Variants in ZNF487 observed in about 807,000 individuals in gnomAD.
The protein encoded by ZNF487 is KRAB domain only 1.
Under a neutral mutation model 3.0 loss-of-function variants are expected in ZNF487, and 4 were observed. The ratio of observed to expected loss-of-function variants is 1.35; its 90% CI spans 0.66 to 3.08. The LOEUF is 3.08. Among genes scored for constraint, ZNF487 ranks in the 30% most tolerant of loss-of-function variants. The pLI, the probability that ZNF487 is intolerant of heterozygous loss-of-function variation, is 0.01. For missense variants in ZNF487, 146 were observed against 98.7 expected (o/e 1.48, Z -2.03); for synonymous variants, 55 against 34.6 (o/e 1.59, Z -2.06).
chr10:43,437,446 G>A (rs562311229), intron 1 of ZNF487, among the ~76,000 whole-genome samples, 184 bp downstream of exon 1: 11 of 152,220 alleles, frequency 7.2e-5, no homozygotes, highest in African/African-American at 2.6e-4. Context: ...GCCCACCCTA[G>A]AGAAGCGAGA....
intron 1 of ZNF487, among the ~76,000 whole-genome samples, chr10:43,461,637 C>G (rs1417550013): frequency 6.6e-6 from 1 of 152,054 alleles, no homozygotes; most frequent in Non-Finnish European, 1.5e-5. Context: ...AGGTTTATAT[C>G]AATTTTATGC....
At chr10:43,501,707 A>ATTCCAGC in the ZNF487 span, among the ~76,000 whole-genome samples, 1 of 152,110 alleles carries the variant, frequency 6.6e-6, no homozygotes, top group South Asian at 2.1e-4. Context: ...GTGCCACTGC[A>ATTCCAGC]TTCCAGCTTG....
At chr10:43,493,709 A>AAAAAAAAAAAAAATATAT in the ZNF487 span, among the ~76,000 whole-genome samples, 2 of 43,720 alleles carry the variant, frequency 4.6e-5, no homozygotes, top group African/African-American at 1.7e-4. Flanking sequence ...AAAAAAAAAA[A>AAAAAAAAAAAAAATATAT]ATATATATAT....
Position 43,483,048 on chromosome 10 carries a change from A to C in ZNF487, c.*1126A>C, listed in dbSNP as rs1347918299. 3 of 462,164 alleles carry C rather than the reference A, an allele frequency of 6.5e-6. No homozygotes were observed. The highest frequency in any genetic ancestry group is 6.0e-5 in the African/African-American group (3 of 50,140). The allele number at this position is 462,164 out of a possible 1,614,324, so 28.6% of individuals were successfully genotyped here. A position where few individuals can be genotyped will look rare whatever the true frequency, so the allele number is the denominator to read the frequency against. Reference sequence around the variant, plus strand: ...GAATCCCAACTTCACTAAATGTCAGAGAGACAACATAGAGGAAACCCTTGT... The same window carrying C: ...GAATCCCAACTTCACTAAATGTCAGCGAGACAACATAGAGGAAACCCTTGT... On this transcript the variant is annotated 3_prime_UTR_variant, in exon 4 of 4. Coordinates refer to ENST00000437590, the MANE Select transcript of ZNF487 (RefSeq NM_001355444.3).
chr10:43,456,819 G>C (rs1840222286), intron 1 of ZNF487, among the ~76,000 whole-genome samples: 1 of 152,174 alleles, frequency 6.6e-6, no homozygotes, highest in Admixed American at 6.5e-5. Flanking sequence ...GACCTCAGGT[G>C]ATCCGCGCGC....
At chr10:43,445,213 T>C (rs1380379025) in intron 1 of ZNF487, among the ~76,000 whole-genome samples, 1 of 152,084 alleles carries the variant, frequency 6.6e-6, no homozygotes, top group African/African-American at 2.4e-5. Context: ...GGTCTTGAAT[T>C]CCTGGGCTCA....
intron 1 of ZNF487, among the ~76,000 whole-genome samples, chr10:43,456,814 C>G (rs1840222077): frequency 6.6e-6 from 1 of 152,162 alleles, no homozygotes; most frequent in Admixed American, 6.6e-5. Flanking sequence ...CTCCTGACCT[C>G]AGGTGATCCG....
At chr10:43,509,039 C>A in the ZNF487 span, among the ~76,000 whole-genome samples, 1 of 147,486 alleles carries the variant, frequency 6.8e-6, no homozygotes, top group South Asian at 2.2e-4. Context: ...ACTAAAAATA[C>A]AAAAATTAGC....
rs76840305 is a variant in ZNF487 at position 43,466,805 on chromosome 10, G to A, written c.-93-8916G>A. 2.2e-3 allele frequency among the ~76,000 whole-genome samples: 339 copies of A among 152,264 alleles called. 2 individuals carry two copies. The East Asian group carries it at 0.025, about 11-fold the overall frequency. ...GACAAGCTAGTCACATAAGAGCTAT[G>A]AGGTATGAAATTAATGTTGTTTTCA... On this transcript the variant is annotated intron_variant, in intron 1 of 3. Transcript: ENST00000437590.
At chr10:43,511,190 A>G in the ZNF487 span, among the ~76,000 whole-genome samples, 7 of 152,150 alleles carry the variant, frequency 4.6e-5, no homozygotes, top group Non-Finnish European at 7.3e-5. Flanking sequence ...CTTGCAAAAT[A>G]TTGTCACCTA....
the ZNF487 span, among the ~76,000 whole-genome samples, chr10:43,512,144 T>G: frequency 2.6e-5 from 4 of 152,220 alleles, no homozygotes; most frequent in East Asian, 7.7e-4. Flanking sequence ...GCTGTCCACT[T>G]TCAGGTGATG....
the ZNF487 span, among the ~76,000 whole-genome samples, chr10:43,501,348 T>G: frequency 1.1e-4 from 17 of 152,224 alleles, no homozygotes; most frequent in Admixed American, 8.5e-4. Flanking sequence ...GTAGGCTTTA[T>G]AAACACTGTA....
At chr10:43,483,247 G>A, downstream of ZNF487, 1 of 376,256 alleles carries the variant, frequency 2.7e-6, no homozygotes, top group Non-Finnish European at 5.1e-6. Context: ...TTTTCTTGTT[G>A]TTACTTTTTT....
chr10:43,492,412 G>A, the ZNF487 span, among the ~76,000 whole-genome samples: 1 of 151,174 alleles, frequency 6.6e-6, no homozygotes. Context: ...ACCAGTTACT[G>A]ATATCAGTCC....
intron 1 of ZNF487, among the ~76,000 whole-genome samples, chr10:43,450,247 C>T (rs1839959808): frequency 6.6e-6 from 1 of 152,140 alleles, no homozygotes; most frequent in Non-Finnish European, 1.5e-5. Flanking sequence ...AGGGTTTCTC[C>T]ATGTTGGTCA....
At chr10:43,493,282 C>T in the ZNF487 span, among the ~76,000 whole-genome samples, 10 of 152,114 alleles carry the variant, frequency 6.6e-5, no homozygotes, top group African/African-American at 1.9e-4. Flanking sequence ...GGTGTTCATC[C>T]TACATATTTA....
At chr10:43,474,297 T>C (rs1038444803) in intron 1 of ZNF487, among the ~76,000 whole-genome samples, 3 of 151,280 alleles carry the variant, frequency 2.0e-5, no homozygotes, top group Admixed American at 2.0e-4. Flanking sequence ...CTACTAAAAA[T>C]ACAAAAATGA....
At chr10:43,515,030 C>G in the ZNF487 span, among the ~76,000 whole-genome samples, 2 of 152,184 alleles carry the variant, frequency 1.3e-5, no homozygotes, top group Non-Finnish European at 2.9e-5. Flanking sequence ...AGCAAATAAA[C>G]TATTAGAACC....
At chr10:43,509,429 G>C in the ZNF487 span, among the ~76,000 whole-genome samples, 1 of 141,814 alleles carries the variant, frequency 7.1e-6, no homozygotes, top group Non-Finnish European at 1.5e-5. Context: ...CTTGTATTAG[G>C]GTTCTCTAGA....
Sources: gnomAD v4.1 joint callset for allele counts (sites outside exome capture counted in the v4.1 genomes callset) on GRCh38, gnomAD v4.1.1 for gene constraint, MANE v1.5 for transcripts, NCBI Gene and HGNC (gene_info 2026-07-23, HGNC 2026-07-21) for gene names.